Variants in ORC2 observed in about 807,000 individuals in gnomAD.
ORC2 encodes the protein origin recognition complex protein 2 homolog.
ORC2 carries 37 observed loss-of-function variants against 77.7 expected under a neutral mutation model. The observed-to-expected ratio is 0.48, with a 90% CI of 0.37 to 0.63. The LOEUF is 0.63. ORC2 is among the 20% of genes least tolerant of loss of function. The probability of loss-of-function intolerance (pLI) is 0.00; values close to 1 mark genes in which losing one functional copy is unlikely to be tolerated. For missense variants in ORC2, 557 were observed against 661.9 expected (o/e 0.84, Z 1.74); for synonymous variants, 201 against 229.5 (o/e 0.88, Z 1.12).
chr2:200,930,379 A>G (rs1369188643), intron 11 of ORC2, among the ~76,000 whole-genome samples: 1 of 152,202 alleles, frequency 6.6e-6, no homozygotes, highest in Non-Finnish European at 1.5e-5. Context: ...CTGGGAGAAA[A>G]AAATGATGGG....
At chr2:200,952,054 T>TA (rs1205990360) in intron 4 of ORC2, among the ~76,000 whole-genome samples, 1 of 151,980 alleles carries the variant, frequency 6.6e-6, no homozygotes, top group Non-Finnish European at 1.5e-5. Context: ...GCCTTTTTTT[T>TA]AAAATGGGAA....
At chr2:200,955,757 AGTACC>A (rs1458135846) in intron 4 of ORC2, among the ~76,000 whole-genome samples, 2 of 152,226 alleles carry the variant, frequency 1.3e-5, no homozygotes, top group East Asian at 3.8e-4. Context: ...CAACTCTCCT[AGTACC>A]CAACAATATT....
chr2:200,934,711 GA>G (rs977278332), intron 9 of ORC2, among the ~76,000 whole-genome samples: 2 of 150,756 alleles, frequency 1.3e-5, no homozygotes, highest in Non-Finnish European at 3.0e-5. Context: ...GGTAACAAAA[GA>G]AAAAAAAGAA....
rs1219484200 is a variant in ORC2, at chr2:200,910,088, G to T, written c.*1213C>A. ...AAAATTACTTAATTATATGCCACAA[G>T]AAAAATTATTTAAAAATTCCAAGGA... On this transcript the variant is annotated 3_prime_UTR_variant, in exon 18 of 18. Coordinates refer to ENST00000234296, the MANE Select transcript of ORC2 (RefSeq NM_006190.5). 6.6e-6 allele frequency: 1 copy of T among 152,108 alleles called. No individual in the cohort carries two copies. Among genetic ancestry groups the T allele is most frequent in the African/African-American group, 2.4e-5 (1 of 41,400 alleles). 9.4% of individuals were successfully genotyped at this position (152,108 alleles called of 1,614,324 possible). A position where few individuals can be genotyped will look rare whatever the true frequency, so the allele number is the denominator to read the frequency against.
At chr2:200,955,614 G>A (rs1333886349) in intron 4 of ORC2, among the ~76,000 whole-genome samples, 1 of 152,190 alleles carries the variant, frequency 6.6e-6, no homozygotes, top group East Asian at 1.9e-4. Context: ...TTATAAGTAT[G>A]TGAGAATAAA....
At chr2:200,940,669 G>A (rs2041132609) in intron 7 of ORC2, among the ~76,000 whole-genome samples, 1 of 152,074 alleles carries the variant, frequency 6.6e-6, no homozygotes, top group Non-Finnish European at 1.5e-5. Flanking sequence ...AGGCGTGGTG[G>A]TGCACACCTG....
At chr2:200,916,786 T>C (rs961518807) in intron 15 of ORC2, among the ~76,000 whole-genome samples, 6 of 151,894 alleles carry the variant, frequency 4.0e-5, no homozygotes, top group African/African-American at 1.2e-4. Context: ...CACTGCAAGC[T>C]CCGCCTCCTG....
chr2:200,917,661 C>T (rs545913686), intron 15 of ORC2, among the ~76,000 whole-genome samples: 2 of 152,164 alleles, frequency 1.3e-5, no homozygotes, highest in South Asian at 4.1e-4. Context: ...TAGTGAAATC[C>T]AAATATGGAT....
At chr2:200,939,638 T>C (rs926919579) in intron 7 of ORC2, among the ~76,000 whole-genome samples, 1 of 152,236 alleles carries the variant, frequency 6.6e-6, no homozygotes, top group Non-Finnish European at 1.5e-5. Flanking sequence ...AAAAACCTGC[T>C]TTAAGCCACT....
intron 7 of ORC2, among the ~76,000 whole-genome samples, chr2:200,940,433 G>A (rs575715708): frequency 3.9e-5 from 6 of 152,162 alleles, no homozygotes; most frequent in African/African-American, 1.4e-4. Flanking sequence ...GGCATTTGGG[G>A]GATGCTTTGC....
intron 15 of ORC2, among the ~76,000 whole-genome samples, chr2:200,914,339 T>G (rs367894768): frequency 1.9e-4 from 29 of 152,188 alleles, no homozygotes; most frequent in African/African-American, 6.7e-4. Flanking sequence ...CTAAATTTTT[T>G]GTATTTTTAG....
chr2:200,926,112 G>A (rs1191562040), intron 12 of ORC2, among the ~76,000 whole-genome samples, 180 bp from the exon 13 acceptor site: 1 of 151,984 alleles, frequency 6.6e-6, no homozygotes, highest in Non-Finnish European at 1.5e-5. Context: ...TTTTGCCTAA[G>A]TTGTGGCTAA....
At chr2:200,956,178 G>A (rs1397842704) in intron 4 of ORC2, among the ~76,000 whole-genome samples, 1 of 150,438 alleles carries the variant, frequency 6.6e-6, no homozygotes, top group Non-Finnish European at 1.5e-5. Flanking sequence ...GCAATCCTCT[G>A]CGTTAGCCTC....
At chr2:200,942,913 G>C in intron 5 of ORC2, 136 bp from the exon 6 acceptor site, 1 of 470,282 alleles carries the variant, frequency 2.1e-6, no homozygotes, top group Non-Finnish European at 3.8e-6. Context: ...CCCATATTAG[G>C]AGTAATACTG....
intron 8 of ORC2, among the ~76,000 whole-genome samples, chr2:200,936,847 C>T (rs2041056533): frequency 6.6e-6 from 1 of 152,128 alleles, no homozygotes; most frequent in Admixed American, 6.6e-5. Flanking sequence ...GCCAGTTTCA[C>T]ACTAAACAGG....
At chr2:200,932,185 CTCT>C (rs1388632010) in intron 10 of ORC2, among the ~76,000 whole-genome samples, 1 of 152,106 alleles carries the variant, frequency 6.6e-6, no homozygotes, top group Non-Finnish European at 1.5e-5. Flanking sequence ...AAAAAAACAA[CTCT>C]TATCTCTTCT....
chr2:200,933,986 C>T lies in ORC2; in HGVS notation c.709-12G>A. ...TCTACTAAGTCACTCTGAAAGTGAACAGAGTAGTCAGTCCTTAGTAGCTTC... is the reference window on the plus strand; with the variant it reads ...TCTACTAAGTCACTCTGAAAGTGAATAGAGTAGTCAGTCCTTAGTAGCTTC... On this transcript the variant is annotated splice_polypyrimidine_tract_variant and intron_variant, in intron 9 of 17. Transcript: ENST00000234296. 3 of 1,417,044 alleles carry T rather than the reference C, an allele frequency of 2.1e-6. No homozygotes were observed. The highest frequency in any genetic ancestry group is 3.0e-6 in the Non-Finnish European group (3 of 1,007,268). 87.8% of individuals were successfully genotyped at this position (1,417,044 alleles called of 1,614,324 possible). A position where few individuals can be genotyped will look rare whatever the true frequency, so the allele number is the denominator to read the frequency against.
rs747954611 is a variant in ORC2 at position 200,933,995 on chromosome 2, C to T, written c.709-21G>A. 1.0e-5 allele frequency: 13 copies of T among 1,296,642 alleles called. No homozygotes were observed. In the African/African-American group the frequency reaches 1.9e-4, roughly 19 times the overall value. 80.3% of individuals were successfully genotyped at this position (1,296,642 alleles called of 1,614,324 possible). A position where few individuals can be genotyped will look rare whatever the true frequency, so the allele number is the denominator to read the frequency against. On this transcript the variant is annotated intron_variant, in intron 9 of 17. Transcript: ENST00000234296. ...TCACTCTGAAAGTGAACAGAGTAGT[C>T]AGTCCTTAGTAGCTTCAAATATCTG... is the stretch of plus-strand genomic sequence containing the variant.
At chr2:200,962,249 C>T (rs758920413) in intron 1 of ORC2, among the ~76,000 whole-genome samples, 15 of 152,246 alleles carry the variant, frequency 9.9e-5, no homozygotes, top group Non-Finnish European at 1.9e-4. Flanking sequence ...ATTATGACCC[C>T]TCAAGGCACT....
Sources: allele counts gnomAD v4.1 joint callset (sites outside exome capture counted in the v4.1 genomes callset), GRCh38; gene constraint gnomAD v4.1.1; transcripts MANE v1.5; gene names NCBI Gene and HGNC (gene_info 2026-07-23, HGNC 2026-07-21).